Variants in JAM2 observed in about 807,000 individuals in gnomAD.
JAM2 encodes the protein junctional adhesion molecule 2, also known as junctional adhesion molecule B.
JAM2 carries 17 observed loss-of-function variants against 42.0 expected under a neutral mutation model. The ratio of observed to expected loss-of-function variants is 0.40; its 90% CI spans 0.28 to 0.61. JAM2 has a LOEUF of 0.61. JAM2 is among the 20% of genes least tolerant of loss of function. The pLI, the probability that JAM2 is intolerant of heterozygous loss-of-function variation, is 0.37. For synonymous variants in JAM2, 118 were observed against 128.6 expected (o/e 0.92, Z 0.56); for missense variants, 319 against 358.3 (o/e 0.89, Z 0.89).
At chr21:25,684,682 G>A (rs935440057) in intron 2 of JAM2, among the ~76,000 whole-genome samples, 1 of 151,954 alleles carries the variant, frequency 6.6e-6, no homozygotes, top group East Asian at 1.9e-4. Flanking sequence ...TCGGCTCACC[G>A]CAACCTCTAC....
chr21:25,701,803 TG>T (rs1423646384), intron 5 of JAM2, among the ~76,000 whole-genome samples: 4 of 152,188 alleles, frequency 2.6e-5, no homozygotes, highest in African/African-American at 9.7e-5. Flanking sequence ...CAGGGAGGCC[TG>T]CCCTTCATTT....
In JAM2 at chr21:25,667,317, T is replaced by C. The variant is rs117553734; in HGVS notation, c.68-16566T>C. On this transcript the variant is annotated intron_variant, in intron 1 of 9. Coordinates refer to ENST00000480456, the MANE Select transcript of JAM2 (RefSeq NM_021219.4). ...GATCACTTGAAGCAGATGATTCTCC[T>C]TCTGATGTATTGTCAGAAGGTCAAT... Among the ~76,000 whole-genome samples the C allele has an allele frequency of 3.8e-3, 579 of 152,322 alleles. 11 individuals are homozygous for C. The highest frequency in any genetic ancestry group is 0.019 in the East Asian group (99 of 5,194).
At chr21:25,650,971 C>A (rs1046453207) in intron 1 of JAM2, among the ~76,000 whole-genome samples, 2 of 148,926 alleles carry the variant, frequency 1.3e-5, no homozygotes, top group African/African-American at 5.0e-5. Context: ...GGATCAGAAC[C>A]TGATATTCTC....
intron 4 of JAM2, among the ~76,000 whole-genome samples, chr21:25,696,115 C>G (rs1183135954): frequency 6.6e-6 from 1 of 152,238 alleles, no homozygotes; most frequent in African/African-American, 2.4e-5. Context: ...ACTGAGTGAA[C>G]GAGACTCCGT....
intron 1 of JAM2, among the ~76,000 whole-genome samples, chr21:25,667,887 T>C (rs1057149076): frequency 6.6e-6 from 1 of 152,180 alleles, no homozygotes; most frequent in African/African-American, 2.4e-5. Flanking sequence ...GTATATCGTT[T>C]GAAAATATGA....
intron 1 of JAM2, among the ~76,000 whole-genome samples, chr21:25,666,728 A>C (rs1035574885): frequency 1.3e-5 from 2 of 152,016 alleles, no homozygotes; most frequent in African/African-American, 4.8e-5. Context: ...TAAAGATAGG[A>C]TCTCACTGTG....
At chr21:25,642,535 T>C (rs2123297554) in intron 1 of JAM2, among the ~76,000 whole-genome samples, 1 of 152,336 alleles carries the variant, frequency 6.6e-6, no homozygotes. Flanking sequence ...TTCTTTCCTT[T>C]TTATCCTGCT....
chr21:25,714,255 C>T (rs1014204070), intron 9 of JAM2: 39 of 1,293,776 alleles, frequency 3.0e-5, no homozygotes, highest in South Asian at 9.9e-5. Context: ...GCCTGTAATC[C>T]CAGCACTTTG....
At chr21:25,704,218 TTC>T (rs1417749241) in intron 6 of JAM2, among the ~76,000 whole-genome samples, 2 of 152,184 alleles carry the variant, frequency 1.3e-5, no homozygotes, top group African/African-American at 2.4e-5. Context: ...GTAGATTTTT[TTC>T]TCTCTCTGCT....
intron 1 of JAM2, among the ~76,000 whole-genome samples, chr21:25,642,083 C>A (rs1047328115): frequency 6.6e-6 from 1 of 152,064 alleles, no homozygotes; most frequent in Non-Finnish European, 1.5e-5. Flanking sequence ...TTGATGTGAA[C>A]CTAGGTCACC....
intron 8 of JAM2, chr21:25,711,323 G>A (rs1023029116): frequency 4.6e-6 from 2 of 431,678 alleles, no homozygotes; most frequent in Non-Finnish European, 9.2e-6. Flanking sequence ...ACGCCCTGTA[G>A]TTTGTGTGTA....
chr21:25,661,602 T>C (rs2033090851), intron 1 of JAM2, among the ~76,000 whole-genome samples: 1 of 151,954 alleles, frequency 6.6e-6, no homozygotes, highest in South Asian at 2.1e-4. Context: ...ATTTCCCAAA[T>C]TTTACATATA....
chr21:25,714,157 C>T lies in JAM2; in HGVS notation c.865-483C>T, dbSNP rs946522965. 1.1e-5 allele frequency: 14 copies of T among 1,299,270 alleles called. No individual in the cohort carries two copies. In the African/African-American group the frequency reaches 1.8e-4, roughly 17 times the overall value. The allele number at this position is 1,299,270 out of a possible 1,614,324, so 80.5% of individuals were successfully genotyped here. ...ACTCTCTAGGCAAAGCTTCAGAGTA[C>T]CTTGTCTGCTAGGAGTTAGTTAGTT... is the stretch of plus-strand genomic sequence containing the variant. On this transcript the variant is annotated intron_variant, in intron 9 of 9. Coordinates refer to ENST00000480456, the MANE Select transcript of JAM2 (RefSeq NM_021219.4).
chr21:25,666,493 T>C (rs941613033), intron 1 of JAM2, among the ~76,000 whole-genome samples: 2 of 151,652 alleles, frequency 1.3e-5, no homozygotes, highest in African/African-American at 4.8e-5. Flanking sequence ...CCCGGCTAAG[T>C]TTTGTATTTT....
intron 3 of JAM2, among the ~76,000 whole-genome samples, chr21:25,690,210 T>G (rs1047751192): frequency 6.6e-6 from 1 of 152,240 alleles, no homozygotes; most frequent in African/African-American, 2.4e-5. Context: ...GCATAAAGTA[T>G]GCAAAATGCA....
In JAM2 at chr21:25,639,905, C is replaced by A; in HGVS notation, c.67+17C>A. 1 of 1,563,950 alleles carries A rather than the reference C, an allele frequency of 6.4e-7. No individual in the cohort carries two copies. Among genetic ancestry groups the A allele is most frequent in the African/African-American group, 1.4e-5 (1 of 73,930 alleles). On this transcript the variant is annotated intron_variant, in intron 1 of 9. Transcript: ENST00000480456. The stretch of plus-strand genomic sequence containing the variant: ...CCCTGGGCTGTAAGTTGCTCGGGTT[C>A]CTCTACCCTTCCTGCCTGGACCAGC...
At chr21:25,650,364 A>G (rs575029235) in intron 1 of JAM2, among the ~76,000 whole-genome samples, 1 of 152,320 alleles carries the variant, frequency 6.6e-6, no homozygotes, top group South Asian at 2.1e-4. Flanking sequence ...TAGCACTTAA[A>G]AAATTACCCC....
intron 2 of JAM2, among the ~76,000 whole-genome samples, chr21:25,686,230 C>T (rs1264647552): frequency 6.6e-6 from 1 of 152,136 alleles, no homozygotes; most frequent in Non-Finnish European, 1.5e-5. Context: ...ATGTTAATCT[C>T]ACTCCAAAAT....
chr21:25,662,628 TTTTAA>T (rs890397503), intron 1 of JAM2, among the ~76,000 whole-genome samples: 2 of 152,126 alleles, frequency 1.3e-5, no homozygotes, highest in African/African-American at 4.8e-5. Context: ...TATACTTAGT[TTTTAA>T]TTTAACTGGT....
Sources: gnomAD v4.1 joint callset for allele counts (sites outside exome capture counted in the v4.1 genomes callset) on GRCh38, gnomAD v4.1.1 for gene constraint, MANE v1.5 for transcripts, NCBI Gene and HGNC (gene_info 2026-07-23, HGNC 2026-07-21) for gene names.